The following IKBKB-DT variants were observed in gnomAD, a reference collection of about 807,000 sequenced individuals.
IKBKB-DT encodes the protein IKBKB divergent transcript.
chr8:42,251,334 C>T (rs147906110), intron 3 of IKBKB-DT, among the ~76,000 whole-genome samples: 2,437 of 152,266 alleles, frequency 0.016, 79 homozygotes, highest in African/African-American at 0.057. Flanking sequence ...TGGAGCAGGA[C>T]CTCACAATCT....
chr8:42,254,875 T>G (rs1807175939), intron 3 of IKBKB-DT, among the ~76,000 whole-genome samples: 1 of 145,490 alleles, frequency 6.9e-6, no homozygotes, highest in African/African-American at 2.6e-5. Flanking sequence ...GAGGAGTGCC[T>G]CTGTCCGGCT....
chr8:42,253,838 T>G (rs899284966), intron 3 of IKBKB-DT, among the ~76,000 whole-genome samples: 2 of 152,210 alleles, frequency 1.3e-5, no homozygotes, highest in African/African-American at 4.8e-5. Flanking sequence ...CAGTTTCCAT[T>G]GGCTGCAACA....
intron 3 of IKBKB-DT, among the ~76,000 whole-genome samples, chr8:42,237,850 C>T (rs1185373388): frequency 6.6e-6 from 1 of 151,484 alleles, no homozygotes; most frequent in South Asian, 2.1e-4. Context: ...AGAGTAAGAC[C>T]CCCTCTCCAC....
chr8:42,239,636 T>TATATATATATATATATATATATATATATA (rs55662464), intron 3 of IKBKB-DT, among the ~76,000 whole-genome samples: 37 of 28,138 alleles, frequency 1.3e-3, no homozygotes, highest in East Asian at 2.7e-3. Context: ...ATATATATAT[T>TATATATATATATATATATATATATATATA]TATTTATTTA....
At chr8:42,249,152 T>G (rs1183782538) in intron 3 of IKBKB-DT, 1 of 152,134 alleles carries the variant, frequency 6.6e-6, no homozygotes, top group Non-Finnish European at 1.5e-5. Context: ...GAGGATCACT[T>G]GAGCCCAGGA....
At chr8:42,269,851 A>G (rs1285538710) in intron 1 of IKBKB-DT, among the ~76,000 whole-genome samples, 2 of 152,048 alleles carry the variant, frequency 1.3e-5, no homozygotes, top group African/African-American at 4.8e-5. Context: ...CCTTTCTATG[A>G]CTTTCTATGA....
exon 1 of IKBKB-DT, chr8:42,271,131 G>T (rs752989917): frequency 4.2e-4 from 220 of 521,124 alleles, no homozygotes; most frequent in Non-Finnish European, 6.9e-4. Flanking sequence ...AAATCGGTGA[G>T]CACGGTCTGT....
chr8:42,235,661 C>T (rs1237315103), intron 3 of IKBKB-DT, among the ~76,000 whole-genome samples: 1 of 152,130 alleles, frequency 6.6e-6, no homozygotes, highest in East Asian at 1.9e-4. Context: ...ACCGGCCTGC[C>T]CACGAAACTA....
intron 3 of IKBKB-DT, among the ~76,000 whole-genome samples, chr8:42,238,199 G>A (rs1013660152): frequency 6.6e-6 from 1 of 152,062 alleles, no homozygotes; most frequent in Non-Finnish European, 1.5e-5. Context: ...TAGCAGTAAT[G>A]AGTCCCTACC....
intron 3 of IKBKB-DT, among the ~76,000 whole-genome samples, chr8:42,238,572 C>G (rs1172190595): frequency 6.6e-6 from 1 of 152,198 alleles, no homozygotes; most frequent in Non-Finnish European, 1.5e-5. Flanking sequence ...AGGTGGCTTT[C>G]CTATAATCCT....
At chr8:42,259,981 C>CA (rs111459897) in intron 3 of IKBKB-DT, among the ~76,000 whole-genome samples, 3,957 of 62,816 alleles carry the variant, frequency 0.063, 175 homozygotes, top group South Asian at 0.26. Flanking sequence ...GACTCCGTCT[C>CA]AAAAAAAAAA....
intron 3 of IKBKB-DT, among the ~76,000 whole-genome samples, chr8:42,252,647 G>A (rs996930515): frequency 2.0e-5 from 3 of 152,336 alleles, no homozygotes; most frequent in Non-Finnish European, 2.9e-5. Context: ...GATTACAGGC[G>A]TGAGCCACTG....
At position 42,259,704 on chromosome 8, in the gene IKBKB-DT, A is replaced by G. The variant is rs113967684; in HGVS notation, n.1529+3625T>C. ...CAATAAAGTACGAGTTTAATTGGCC[A>G]GGCTCAGTGGCTCACACCTGTAATC... On this transcript the variant is annotated intron_variant and non_coding_transcript_variant, in intron 3 of 3. Transcript: ENST00000518213. Among the ~76,000 whole-genome samples the G allele has an allele frequency of 3.5e-3, 534 of 152,216 alleles. 5 individuals carry two copies. Among genetic ancestry groups the G allele is most frequent in the Middle Eastern group, 0.024 (7 of 294 alleles).
At chr8:42,239,614 T>TTTTTTATATATATATATATATA (rs1554502579) in intron 3 of IKBKB-DT, among the ~76,000 whole-genome samples, 4 of 19,910 alleles carry the variant, frequency 2.0e-4, no homozygotes, top group African/African-American at 4.1e-4. Context: ...AAAAGGCAAT[T>TTTTTTATATATATATATATATA]TATATATATA....
intron 3 of IKBKB-DT, among the ~76,000 whole-genome samples, chr8:42,252,773 G>C (rs1019087911): frequency 1.2e-4 from 18 of 152,142 alleles, no homozygotes; most frequent in Non-Finnish European, 1.9e-4. Flanking sequence ...AATTCCAAAT[G>C]AATCATCATA....
chr8:42,243,715 GT>G (rs1807031052), intron 3 of IKBKB-DT, among the ~76,000 whole-genome samples: 1 of 152,210 alleles, frequency 6.6e-6, no homozygotes, highest in Non-Finnish European at 1.5e-5. Context: ...CAGGAACCCA[GT>G]TTGTAACCGG....
chr8:42,247,920 C>T (rs1438006409), intron 3 of IKBKB-DT, among the ~76,000 whole-genome samples: 2 of 151,962 alleles, frequency 1.3e-5, no homozygotes, highest in East Asian at 3.9e-4. Flanking sequence ...TGGTGAAACC[C>T]TGTCTCTACT....
At chr8:42,242,541 C>G (rs1807016236) in intron 3 of IKBKB-DT, among the ~76,000 whole-genome samples, 1 of 152,138 alleles carries the variant, frequency 6.6e-6, no homozygotes, top group Admixed American at 6.6e-5. Flanking sequence ...TTAATTGTAG[C>G]TGAGTTCTGT....
chr8:42,255,515 C>T (rs2129922755), intron 3 of IKBKB-DT: 1 of 152,252 alleles, frequency 6.6e-6, no homozygotes, highest in African/African-American at 2.4e-5. Flanking sequence ...TCTTACTCAT[C>T]TGTAAGGCAA....
Sources: allele counts gnomAD v4.1 joint callset (sites outside exome capture counted in the v4.1 genomes callset), GRCh38; gene constraint gnomAD v4.1.1; transcripts MANE v1.5; gene names NCBI Gene and HGNC (gene_info 2026-07-23, HGNC 2026-07-21).